The following WAPL variants were observed in gnomAD, a reference collection of about 807,000 sequenced individuals.
WAPL encodes wings apart-like protein homolog.
In WAPL, 5 loss-of-function variants were observed where a neutral mutation model predicts 121.0. The ratio of observed to expected loss-of-function variants is 0.04; its 90% confidence interval spans 0.02 to 0.09. The LOEUF (loss-of-function observed/expected upper bound fraction) is 0.09, where lower values mean the gene tolerates loss of function less well. WAPL is among the 10% of genes least tolerant of loss of function. The pLI is 1.00. For synonymous variants in WAPL, 480 were observed against 481.5 expected, an observed-to-expected ratio of 1.00 and a Z score of 0.04; for missense variants, 999 against 1,410.8, an observed-to-expected ratio of 0.71 and a Z score of 4.68.
chr10:86,479,987 T>TA (rs1183759097), intron 4 of WAPL, among the ~76,000 whole-genome samples: 1 of 152,222 alleles, frequency 6.6e-6, no homozygotes. Context: ...CAAATGGTCT[T>TA]AAACTATAAA....
Position 86,446,271 on chromosome 10 carries a change from T to C in WAPL, c.3293A>G (p.Glu1098Gly). The C allele has an allele frequency of 6.2e-7, 1 of 1,614,166 alleles. No homozygotes were observed. Among genetic ancestry groups the C allele is most frequent in the Non-Finnish European group, 8.5e-7 (1 of 1,180,020 alleles). ...DGTEEKHKKE[E>G]EDEELDLNKA... The stretch of plus-strand genomic sequence containing the variant: ...ATTGAGGTCAAGTTCTTCATCCTCC[T>C]CCTCCTTCTTATGTTTCTCTTCTGT... The change falls in exon 16 of 19, where the codon GAG (glutamate) becomes GGG (glycine). Residue 1098 changes from glutamate (E) to glycine (G), a missense_variant. Glu to Gly is a moderately conservative substitution (Grantham distance 98). This residue lies in a region of WAPL where 126 missense variants were observed against 144.0 expected (regional missense o/e 0.87). Coordinates refer to ENST00000298767, the MANE Select transcript of WAPL (RefSeq NM_015045.5).
In WAPL at chr10:86,453,422, T is replaced by G. The variant is rs1412640827; in HGVS notation, c.2834-87A>C. 48 of 1,399,836 alleles carry G rather than the reference T, an allele frequency of 3.4e-5. No homozygotes were observed. The East Asian group carries it at 1.1e-3, about 32-fold the overall frequency. 86.7% of individuals were successfully genotyped at this position (1,399,836 alleles called of 1,614,324 possible). On this transcript the variant is annotated intron_variant, in intron 13 of 18. Transcript: ENST00000298767. ...GAGATTTATTAACATGGATATTAAC[T>G]TAGAATTGTATAGTCATTCCTCTAT...
At chr10:86,449,384 A>G (rs987658670) in intron 15 of WAPL, among the ~76,000 whole-genome samples, 4 of 152,256 alleles carry the variant, frequency 2.6e-5, no homozygotes, top group African/African-American at 9.6e-5. Context: ...CCCATCACCC[A>G]AAAGGTATTA....
intron 4 of WAPL, among the ~76,000 whole-genome samples, chr10:86,489,260 T>C (rs977447228): frequency 9.2e-5 from 14 of 152,228 alleles, no homozygotes; most frequent in African/African-American, 3.1e-4. Context: ...ATGGGTTCTT[T>C]GTTTAGGAGA....
chr10:86,497,868 G>C (rs575012824), intron 3 of WAPL, among the ~76,000 whole-genome samples: 1 of 152,132 alleles, frequency 6.6e-6, no homozygotes. Context: ...ATGATTTGTC[G>C]GTCTTCAAAC....
Position 86,470,666 on chromosome 10 carries a change from A to G in WAPL, c.2142+326T>C, listed in dbSNP as rs567980243. Among the ~76,000 whole-genome samples, 4 of 152,370 alleles carry G rather than the reference A, an allele frequency of 2.6e-5. No individual in the cohort carries two copies. The East Asian group carries it at 7.7e-4, about 29-fold the overall frequency. ...CCATTCATTAGTATCAAATAATATT[A>G]AAAGATTCTTCTCAGTGCTTTCTGA... On this transcript the variant is annotated intron_variant, in intron 8 of 18. Coordinates refer to ENST00000298767, the MANE Select transcript of WAPL (RefSeq NM_015045.5).
At chr10:86,444,372 A>G (rs1211254332) in intron 16 of WAPL, among the ~76,000 whole-genome samples, 1 of 152,234 alleles carries the variant, frequency 6.6e-6, no homozygotes, top group East Asian at 1.9e-4. Context: ...ATGAAAATGT[A>G]TGTCTACAAA....
At chr10:86,511,938 T>TA (rs964891650) in intron 2 of WAPL, among the ~76,000 whole-genome samples, 1 of 151,728 alleles carries the variant, frequency 6.6e-6, no homozygotes, top group Non-Finnish European at 1.5e-5. Context: ...AAAATAAAAA[T>TA]AAAAAAAGAA....
intron 12 of WAPL, among the ~76,000 whole-genome samples, chr10:86,457,084 A>G (rs889061187): frequency 6.6e-5 from 10 of 152,164 alleles, no homozygotes; most frequent in Non-Finnish European, 1.2e-4. Context: ...CAACATACAC[A>G]ATTTTTCTTA....
rs1346986260 is a variant in WAPL, at chr10:86,436,134, C to T, written c.*1409G>A. ...GGAAGACAATAGAAGGCAGCCACTGCATTTAAAAACATTACAGCTGGCACT... is the reference window on the plus strand; with the variant it reads ...GGAAGACAATAGAAGGCAGCCACTGTATTTAAAAACATTACAGCTGGCACT... On this transcript the variant is annotated 3_prime_UTR_variant, in exon 19 of 19. Coordinates refer to ENST00000298767, the MANE Select transcript of WAPL (RefSeq NM_015045.5). 1 of 152,584 alleles carries T rather than the reference C, an allele frequency of 6.6e-6. No homozygotes were observed. Among genetic ancestry groups the T allele is most frequent in the Non-Finnish European group, 1.5e-5 (1 of 68,030 alleles). 9.5% of individuals were successfully genotyped at this position (152,584 alleles called of 1,614,324 possible).
Position 86,518,024 on chromosome 10 carries a change from C to A in WAPL, c.46G>T (p.Gly16Cys), listed in dbSNP as rs1162134768. ...GKTYSRKGGN[G>C]SSKFDEVFSN... is the part of the protein sequence containing the mutation. ...AAGACTTCATCGAATTTTGAACTGC[C>A]ATTTCCACCTTTCCTACTGTATGTT... Residue 16 changes from glycine to cysteine, a missense_variant, in exon 2 of 19, where the codon GGC (glycine) becomes TGC (cysteine). Physicochemically the swap from Gly to Cys is radical, Grantham distance 159 (BLOSUM62 -3). Transcript: ENST00000298767. 1 of 1,614,138 alleles carries A rather than the reference C, an allele frequency of 6.2e-7. No individual in the cohort carries two copies. Among genetic ancestry groups the A allele is most frequent in the South Asian group, 1.1e-5 (1 of 91,074 alleles).
chr10:86,513,304 T>A (rs555326513), intron 2 of WAPL, among the ~76,000 whole-genome samples: 15 of 152,292 alleles, frequency 9.8e-5, no homozygotes, highest in African/African-American at 3.4e-4. Flanking sequence ...GACCTCATCC[T>A]AAGTTTCCTC....
intron 4 of WAPL, among the ~76,000 whole-genome samples, chr10:86,482,943 G>A (rs1475843681): frequency 6.6e-6 from 1 of 152,138 alleles, no homozygotes; most frequent in African/African-American, 2.4e-5. Flanking sequence ...ACTTTACAGA[G>A]TTATGTACCA....
intron 2 of WAPL, among the ~76,000 whole-genome samples, chr10:86,512,865 T>C (rs1454933168): frequency 1.3e-5 from 2 of 151,996 alleles, no homozygotes; most frequent in Non-Finnish European, 1.5e-5. Flanking sequence ...TTTTTTACCA[T>C]TCTATTTTTG....
In WAPL at chr10:86,500,026, G is replaced by A. The variant is rs1242930276; in HGVS notation, c.1217C>T (p.Thr406Ile). 1 of 1,614,090 alleles carries A rather than the reference G, an allele frequency of 6.2e-7. No homozygotes were observed. The highest frequency in any genetic ancestry group is 1.1e-5 in the South Asian group (1 of 91,082). The change falls in exon 3 of 19, where the codon ACT becomes ATT. Residue 406 changes from threonine to isoleucine, a missense_variant. Physicochemically the swap from Thr to Ile is moderately conservative, Grantham distance 89. Around this residue, in one of 7 missense-constraint regions of WAPL, gnomAD observed 531 missense variants for 563.1 expected, o/e 0.94. Coordinates refer to ENST00000298767, the MANE Select transcript of WAPL (RefSeq NM_015045.5). ...GRLRKKADIA[T>I]SKTTTRFRPS... ...TCGAAATCTAGTAGTAGTCTTAGAA[G>A]TTGCAATATCTGCCTTTTTTCTGAG...
intron 8 of WAPL, among the ~76,000 whole-genome samples, chr10:86,470,324 G>T (rs534164868): frequency 6.6e-6 from 1 of 152,028 alleles, no homozygotes; most frequent in African/African-American, 2.4e-5. Context: ...ATGAGCCACC[G>T]CGCCCAGCCC....
chr10:86,470,457 TTTC>T (rs1349570170), intron 8 of WAPL, among the ~76,000 whole-genome samples: 3 of 152,394 alleles, frequency 2.0e-5, no homozygotes, highest in African/African-American at 7.2e-5. Flanking sequence ...TGATGGTTAC[TTTC>T]TTCTAATTTT....
intron 2 of WAPL, among the ~76,000 whole-genome samples, chr10:86,505,300 CTTTTTTTTTTT>C (rs531404303): frequency 2.0e-4 from 9 of 44,640 alleles, no homozygotes; most frequent in African/African-American, 3.4e-4. Flanking sequence ...GTGCCCAACT[CTTTTTTTTTTT>C]TTTTTTTTTT....
intron 17 of WAPL, among the ~76,000 whole-genome samples, chr10:86,441,594 G>A (rs1159484973): frequency 6.7e-6 from 1 of 149,582 alleles, no homozygotes; most frequent in Non-Finnish European, 1.5e-5. Context: ...AAAAACTATA[G>A]AGGAAGAGGC....
Sources: gnomAD v4.1 joint callset for allele counts (sites outside exome capture counted in the v4.1 genomes callset) on GRCh38, gnomAD v4.1.1 for gene constraint, gnomAD v4.1.1 regional missense constraint, MANE v1.5 for transcripts, NCBI Gene and HGNC (gene_info 2026-07-23, HGNC 2026-07-21) for gene names.